Variants in PSMB7 observed in about 807,000 individuals in gnomAD.
PSMB7 encodes the protein proteasome 20S subunit beta 7, also known as proteasome subunit beta type-7.
In PSMB7, 5 loss-of-function variants were observed where a neutral mutation model predicts 28.1. That is an observed-to-expected ratio of 0.18 (90% CI 0.09 to 0.37). The LOEUF (loss-of-function observed/expected upper bound fraction) is 0.37. PSMB7 is among the 10% of genes least tolerant of loss of function. The pLI is 1.00. For synonymous variants in PSMB7, 122 were observed against 123.7 expected (o/e 0.99, Z 0.09); for missense variants, 275 against 346.2 (o/e 0.79, Z 1.63).
At chr9:124,401,442 A>G (rs1304441293) in intron 5 of PSMB7, among the ~76,000 whole-genome samples, 1 of 152,250 alleles carries the variant, frequency 6.6e-6, no homozygotes, top group East Asian at 1.9e-4. Flanking sequence ...GTTAACCACT[A>G]ATCTTCCCAG....
intron 4 of PSMB7, among the ~76,000 whole-genome samples, chr9:124,408,035 G>A (rs774676584): frequency 6.6e-6 from 1 of 151,900 alleles, no homozygotes; most frequent in Non-Finnish European, 1.5e-5. Context: ...TGGTGGCGTG[G>A]GCCTTTAGTC....
chr9:124,415,313 G>A (rs762817853), intron 1 of PSMB7, 51 bp downstream of exon 1: 2 of 1,576,120 alleles, frequency 1.3e-6, no homozygotes, highest in East Asian at 2.2e-5. Context: ...GCTCCCACCC[G>A]AGCACCGCAC....
intron 6 of PSMB7, among the ~76,000 whole-genome samples, chr9:124,384,386 A>G (rs1464310714): frequency 6.6e-6 from 1 of 152,240 alleles, no homozygotes; most frequent in Non-Finnish European, 1.5e-5. Flanking sequence ...AAAGCTGGAT[A>G]GCGCTGGTGC....
At chr9:124,401,523 T>C (rs994992353) in intron 5 of PSMB7, among the ~76,000 whole-genome samples, 1 of 152,228 alleles carries the variant, frequency 6.6e-6, no homozygotes, top group African/African-American at 2.4e-5. Context: ...GATCCAATCC[T>C]CCTTCTAAGA....
intron 6 of PSMB7, among the ~76,000 whole-genome samples, chr9:124,382,361 C>T (rs1028819181): frequency 6.6e-6 from 1 of 151,322 alleles, no homozygotes; most frequent in African/African-American, 2.4e-5. Flanking sequence ...GCGCCCGGTA[C>T]CACGTCCGGC....
intron 5 of PSMB7, among the ~76,000 whole-genome samples, chr9:124,388,809 C>T (rs995631584): frequency 6.6e-6 from 1 of 152,162 alleles, no homozygotes; most frequent in African/African-American, 2.4e-5. Flanking sequence ...CCACAGAACT[C>T]CCAGTCACCC....
chr9:124,387,511 T>TTA (rs1171556732), intron 5 of PSMB7, among the ~76,000 whole-genome samples: 2 of 150,552 alleles, frequency 1.3e-5, no homozygotes, highest in African/African-American at 5.0e-5. Context: ...ACTCTCTCTC[T>TTA]CGAGAAATTT....
At chr9:124,366,831 C>T (rs1830512946) in intron 6 of PSMB7, among the ~76,000 whole-genome samples, 1 of 152,226 alleles carries the variant, frequency 6.6e-6, no homozygotes, top group Admixed American at 6.5e-5. Context: ...CAGTATTCAG[C>T]GCAGTTAACA....
At chr9:124,379,261 A>G (rs1830640946) in intron 6 of PSMB7, among the ~76,000 whole-genome samples, 2 of 152,212 alleles carry the variant, frequency 1.3e-5, no homozygotes, top group African/African-American at 4.8e-5. Flanking sequence ...AACTGTTTCA[A>G]AGGAAGGTTA....
chr9:124,382,860 C>T (rs1254448511), intron 6 of PSMB7, among the ~76,000 whole-genome samples: 1 of 152,232 alleles, frequency 6.6e-6, no homozygotes, highest in Non-Finnish European at 1.5e-5. Context: ...GTTAAAGTCA[C>T]TTCTAATGTA....
At chr9:124,402,218 C>T (rs1830917528) in intron 5 of PSMB7, among the ~76,000 whole-genome samples, 1 of 152,262 alleles carries the variant, frequency 6.6e-6, no homozygotes, top group East Asian at 1.9e-4. Flanking sequence ...GGACCCATCA[C>T]CCGGAACTCA....
At chr9:124,385,720 A>T (rs952602908) in intron 5 of PSMB7, among the ~76,000 whole-genome samples, 3 of 152,226 alleles carry the variant, frequency 2.0e-5, no homozygotes, top group African/African-American at 7.2e-5. Flanking sequence ...GACCACCTCA[A>T]TGGTTTAGCA....
intron 4 of PSMB7, among the ~76,000 whole-genome samples, chr9:124,405,751 G>A (rs755166235): frequency 1.4e-4 from 21 of 152,030 alleles, no homozygotes; most frequent in Non-Finnish European, 2.9e-4. Context: ...GTATTATCAC[G>A]GCTCACTGCA....
chr9:124,378,945 G>A (rs1163194464), intron 6 of PSMB7, among the ~76,000 whole-genome samples: 20 of 152,182 alleles, frequency 1.3e-4, no homozygotes, highest in Admixed American at 1.3e-3. Context: ...TAGCCTGTGG[G>A]TAAGAACCAG....
rs1830412090 is a variant in PSMB7, at chr9:124,356,791, T to C, written c.695A>G (p.Tyr232Cys). Residue 232 changes from tyrosine (Y) to cysteine (C), a missense_variant, in exon 7 of 8, where the codon TAC (tyrosine) becomes TGC (cysteine). Coordinates refer to ENST00000259457, the MANE Select transcript of PSMB7 (RefSeq NM_002799.4). This position sits in a 1 kb window ranked among gnomAD's most constrained non-coding sequence, Gnocchi z 4.4. ...GGTCCCCTTCTTGTTGGGCACTGTG[T>C]ATGGGCGGAGAAAATCCAGCTTGTT... Reference protein sequence around the residue: ...SKNKLDFLRPYTVPNKKGTRL... With the variant: ...SKNKLDFLRPCTVPNKKGTRL... 6.2e-7 allele frequency: 1 copy of C among 1,614,162 alleles called. No homozygotes were observed. Among genetic ancestry groups the C allele is most frequent in the African/African-American group, 1.3e-5 (1 of 75,040 alleles).
At chr9:124,381,808 C>T (rs561704162) in intron 6 of PSMB7, among the ~76,000 whole-genome samples, 2 of 152,314 alleles carry the variant, frequency 1.3e-5, no homozygotes, top group East Asian at 1.9e-4. Context: ...GTGGTTAGCA[C>T]AGTTAGTGGC....
At chr9:124,380,492 G>A (rs905355267) in intron 6 of PSMB7, among the ~76,000 whole-genome samples, 9 of 152,108 alleles carry the variant, frequency 5.9e-5, no homozygotes, top group Non-Finnish European at 8.8e-5. Flanking sequence ...AGTGAGCCCT[G>A]GTCATGCCAC....
intron 6 of PSMB7, among the ~76,000 whole-genome samples, chr9:124,358,927 T>C (rs931552100): frequency 1.3e-5 from 2 of 152,216 alleles, no homozygotes; most frequent in African/African-American, 4.8e-5. Context: ...AGGTGAAGAC[T>C]TGGGGAAACG....
chr9:124,365,582 G>A (rs1830499862), intron 6 of PSMB7, among the ~76,000 whole-genome samples: 2 of 152,108 alleles, frequency 1.3e-5, no homozygotes, highest in African/African-American at 4.8e-5. Flanking sequence ...GTAACATTTT[G>A]GACAACAACG....
Sources: gnomAD v4.1 joint callset for allele counts (sites outside exome capture counted in the v4.1 genomes callset) on GRCh38, gnomAD v4.1.1 for gene constraint, Gnocchi (gnomAD v3.1) non-coding constraint, MANE v1.5 for transcripts, NCBI Gene and HGNC (gene_info 2026-07-23, HGNC 2026-07-21) for gene names.